Variants in CCDC88C observed in about 807,000 individuals in gnomAD.
The protein encoded by CCDC88C is protein Daple.
In CCDC88C, 131 loss-of-function variants were observed where a neutral mutation model predicts 198.8. The ratio of observed to expected loss-of-function variants is 0.66; its 90% CI spans 0.57 to 0.76. CCDC88C has a LOEUF of 0.76. Among genes scored for constraint, CCDC88C ranks in the 30% least tolerant of loss-of-function variants. The pLI, the probability that CCDC88C is intolerant of heterozygous loss-of-function variation, is 0.00. For missense variants in CCDC88C, 2,553 were observed against 2,631.6 expected (o/e 0.97, Z 0.65); for synonymous variants, 1,166 against 1,114.7 (o/e 1.05, Z -0.92).
chr14:91,403,028 A>C (rs1886296356), intron 3 of CCDC88C, among the ~76,000 whole-genome samples: 1 of 152,098 alleles, frequency 6.6e-6, no homozygotes. Context: ...TAAATCTCGC[A>C]GTTTCTGGTC....
intron 16 of CCDC88C, among the ~76,000 whole-genome samples, 169 bp from the exon 17 acceptor site, chr14:91,308,661 TG>T (rs1180445937): frequency 2.0e-5 from 3 of 152,172 alleles, no homozygotes; most frequent in African/African-American, 7.2e-5. Flanking sequence ...CAGAGCCCTT[TG>T]GGGGGTTCCC....
At chr14:91,391,549 C>T (rs188086454) in intron 3 of CCDC88C, among the ~76,000 whole-genome samples, 241 of 152,226 alleles carry the variant, frequency 1.6e-3, no homozygotes, top group African/African-American at 5.1e-3. Context: ...GAGGCCGAGG[C>T]GGGCAGATCA....
intron 12 of CCDC88C, among the ~76,000 whole-genome samples, chr14:91,322,533 A>G (rs1252938741): frequency 6.6e-6 from 1 of 152,268 alleles, no homozygotes; most frequent in Admixed American, 6.5e-5. Context: ...GCTGTAAATG[A>G]AACTAACCTA....
At chr14:91,301,831 G>A (rs757409193) in intron 20 of CCDC88C, among the ~76,000 whole-genome samples, 4 of 152,226 alleles carry the variant, frequency 2.6e-5, no homozygotes, top group Non-Finnish European at 5.9e-5. Flanking sequence ...GCTAGTATCA[G>A]ACTTACACGA....
chr14:91,309,818 G>C (rs1287046862), intron 16 of CCDC88C, 41 bp downstream of exon 16: 10 of 1,585,760 alleles, frequency 6.3e-6, no homozygotes, highest in Non-Finnish European at 8.6e-6. Flanking sequence ...AACAGTGGAG[G>C]AAGTGCTCCC....
At chr14:91,306,030 G>T in intron 18 of CCDC88C, 104 bp from the exon 19 acceptor site, 1 of 1,209,226 alleles carries the variant, frequency 8.3e-7, no homozygotes, top group Non-Finnish European at 1.2e-6. Flanking sequence ...GATGTTTTGG[G>T]GGCCAAATCG....
chr14:91,308,412 A>G lies in CCDC88C; in HGVS notation c.2945T>C (p.Leu982Ser), dbSNP rs1422101614. Residue 982 changes from leucine (L) to serine (S), a missense_variant, in exon 17 of 30, where the codon TTA becomes TCA. By Grantham distance (145) the Leu-to-Ser change is moderately radical. Around this residue, in one of 2 missense-constraint regions of CCDC88C, gnomAD observed 1,260 missense variants for 1,412.0 expected, o/e 0.89. Coordinates refer to ENST00000389857, the MANE Select transcript of CCDC88C (RefSeq NM_001080414.4). ...CGCTTTCTCTTCCATCTGTGCTTCT[A>G]AGAGCACAATCTTTTCTTCTTTCAT... ...LAMKEEKIVL[L>S]EAQMEEKASL... 3 of 1,614,048 alleles carry G rather than the reference A, an allele frequency of 1.9e-6. No individual in the cohort carries two copies. The highest frequency in any genetic ancestry group is 1.1e-5 in the South Asian group (1 of 91,090).
chr14:91,389,105 C>G (rs977233165), intron 3 of CCDC88C, among the ~76,000 whole-genome samples: 4 of 152,192 alleles, frequency 2.6e-5, no homozygotes, highest in Non-Finnish European at 4.4e-5. Context: ...ACTCCTGTCC[C>G]CCACCTGAAT....
chr14:91,348,563 T>C (rs959278632), intron 4 of CCDC88C, among the ~76,000 whole-genome samples: 3 of 152,078 alleles, frequency 2.0e-5, no homozygotes, highest in Non-Finnish European at 4.4e-5. Context: ...TTCTACTCTC[T>C]CAGCACCCTG....
In CCDC88C at chr14:91,339,501, G is replaced by A. The variant is rs759820427; in HGVS notation, c.625-39C>T. The A allele has an allele frequency of 3.2e-6, 5 of 1,566,424 alleles. No homozygotes were observed. The highest frequency in any genetic ancestry group is 2.3e-5 in the South Asian group (2 of 85,472). On this transcript the variant is annotated intron_variant, in intron 7 of 29. Transcript: ENST00000389857. The surrounding 1 kb of genome is among the most constrained non-coding windows in gnomAD (Gnocchi z 5.8). ...GAGAGGGGGATGGAGGAGAACAAAC[G>A]GGGTTAACCAGCACAACGCCTGAGC...
At chr14:91,410,292 C>A (rs938091912) in intron 2 of CCDC88C, among the ~76,000 whole-genome samples, 2 of 152,172 alleles carry the variant, frequency 1.3e-5, no homozygotes, top group Non-Finnish European at 2.9e-5. Flanking sequence ...ATGGCTAATT[C>A]AAAGGAGAGC....
At chr14:91,373,709 G>A (rs1439622662) in intron 3 of CCDC88C, among the ~76,000 whole-genome samples, 1 of 152,202 alleles carries the variant, frequency 6.6e-6, no homozygotes, top group African/African-American at 2.4e-5. Flanking sequence ...GAGGAGGAAG[G>A]TTCAGAAGTG....
chr14:91,370,363 C>A (rs866119369), intron 3 of CCDC88C, among the ~76,000 whole-genome samples: 1 of 152,210 alleles, frequency 6.6e-6, no homozygotes. Flanking sequence ...CAAGTGCCCA[C>A]GCGTCCAGAA....
intron 27 of CCDC88C, 53 bp from the exon 28 acceptor site, chr14:91,279,359 C>T: frequency 7.0e-7 from 1 of 1,425,650 alleles, no homozygotes; most frequent in African/African-American, 1.4e-5. Flanking sequence ...AGGTATATCC[C>T]AGATGAGCCA....
intron 3 of CCDC88C, among the ~76,000 whole-genome samples, chr14:91,399,838 C>CAA (rs71120133): frequency 7.9e-4 from 59 of 75,136 alleles, no homozygotes; most frequent in African/African-American, 1.1e-3. Context: ...GACTCCCTCT[C>CAA]AAAAAAAAAA....
rs530086119 is a variant in CCDC88C at position 91,389,645 on chromosome 14, C to T, written c.270+19014G>A. Among the ~76,000 whole-genome samples, 278 of 149,356 alleles carry T rather than the reference C, an allele frequency of 1.9e-3. 2 individuals carry two copies. The highest frequency in any genetic ancestry group is 6.7e-3 in the African/African-American group (270 of 40,358). On this transcript the variant is annotated intron_variant, in intron 3 of 29. Transcript: ENST00000389857. Reference sequence around the variant, plus strand: ...CTGTAATCCCAGCACTTTGGGAGGCCGAGGCAGGAGGATCACTTGAACCCA... The same window carrying T: ...CTGTAATCCCAGCACTTTGGGAGGCTGAGGCAGGAGGATCACTTGAACCCA...
In CCDC88C at chr14:91,272,498, A is replaced by G. The variant is rs1889775696; in HGVS notation, c.*127T>C. 7 of 942,552 alleles carry G rather than the reference A, an allele frequency of 7.4e-6. No individual in the cohort carries two copies. In the South Asian group the frequency reaches 1.1e-4, roughly 15 times the overall value. The allele number at this position is 942,552 out of a possible 1,614,324, so 58.4% of individuals were successfully genotyped here. ...TTCCATTCACAGAACAAACAGCAGA[A>G]ATGCGTGGGAACCCCTTTCCTCATT... On this transcript the variant is annotated 3_prime_UTR_variant, in exon 30 of 30. Transcript: ENST00000389857.
Position 91,294,334 on chromosome 14 carries a change from A to G in CCDC88C, c.3967-16T>C, listed in dbSNP as rs1004472740. ...GGGAGAGCAGCTAGAACACAGACCA[A>G]CAGCGTCTCAGACACCATGTGACCC... On this transcript the variant is annotated splice_polypyrimidine_tract_variant and intron_variant, in intron 22 of 29. Coordinates refer to ENST00000389857, the MANE Select transcript of CCDC88C (RefSeq NM_001080414.4). The G allele has an allele frequency of 1.2e-6, 2 of 1,613,070 alleles. No homozygotes were observed. Among genetic ancestry groups the G allele is most frequent in the African/African-American group, 2.7e-5 (2 of 74,912 alleles).
At chr14:91,277,324 T>C (rs921176780) in intron 29 of CCDC88C, among the ~76,000 whole-genome samples, 6 of 152,246 alleles carry the variant, frequency 3.9e-5, no homozygotes, top group Non-Finnish European at 8.8e-5. Flanking sequence ...AGTTGCTACA[T>C]TTTTAATTGG....
Sources: allele counts gnomAD v4.1 joint callset (sites outside exome capture counted in the v4.1 genomes callset), GRCh38; gene constraint gnomAD v4.1.1; regional missense constraint gnomAD v4.1.1; non-coding constraint Gnocchi (gnomAD v3.1); transcripts MANE v1.5; gene names NCBI Gene and HGNC (gene_info 2026-07-23, HGNC 2026-07-21).